APPBP2: variants seen among roughly 807,000 people sequenced by gnomAD.
APPBP2 encodes amyloid protein-binding protein 2.
A neutral mutation model predicts 76.0 loss-of-function variants in APPBP2; 15 were observed. The ratio of observed to expected loss-of-function variants is 0.20; its 90% CI spans 0.13 to 0.30. The LOEUF is 0.30. Among genes scored for constraint, APPBP2 ranks in the 10% least tolerant of loss-of-function variants. APPBP2 has a pLI of 1.00. For missense variants in APPBP2, 401 were observed against 687.2 expected (o/e 0.58, Z 4.66); for synonymous variants, 222 against 242.2 (o/e 0.92, Z 0.77).
intron 4 of APPBP2, among the ~76,000 whole-genome samples, 162 bp from the exon 5 acceptor site, chr17:60,466,621 T>C (rs1409628107): frequency 1.3e-5 from 2 of 152,170 alleles, no homozygotes; most frequent in African/African-American, 4.8e-5. Context: ...CTCATGCCCA[T>C]AAAGAAGTAC....
At chr17:60,521,817 T>C (rs908346003) in intron 1 of APPBP2, among the ~76,000 whole-genome samples, 1 of 152,330 alleles carries the variant, frequency 6.6e-6, no homozygotes, top group East Asian at 1.9e-4. Flanking sequence ...CGTTATTGTA[T>C]TTTATGTGTG....
intron 4 of APPBP2, among the ~76,000 whole-genome samples, chr17:60,474,988 G>T (rs1385721300): frequency 3.3e-5 from 5 of 152,112 alleles, no homozygotes; most frequent in African/African-American, 9.6e-5. Context: ...CCAGCACTTT[G>T]GGGGGCCAGG....
At chr17:60,460,095 T>C (rs1399864337) in intron 9 of APPBP2, 1 of 152,230 alleles carries the variant, frequency 6.6e-6, no homozygotes, top group African/African-American at 2.4e-5. Context: ...TACTCAAAAA[T>C]TATTGAAGGA....
intron 1 of APPBP2, among the ~76,000 whole-genome samples, chr17:60,503,008 A>C (rs1459407201): frequency 7.2e-6 from 1 of 139,530 alleles, no homozygotes; most frequent in African/African-American, 3.1e-5. Context: ...GGCTGTTTAA[A>C]TTTTCTTTTT....
chr17:60,494,467 T>G lies in APPBP2; in HGVS notation c.378A>C (p.Leu126Phe). 1 of 1,606,370 alleles carries G rather than the reference T, an allele frequency of 6.2e-7. No individual in the cohort carries two copies. The highest frequency in any genetic ancestry group is 8.5e-7 in the Non-Finnish European group (1 of 1,178,504). ...KEKAIQVGFV[L>F]GGFLSDAGWY... ...TACTTCTGTTCCACCATTACTTACC[T>G]AAAACAAAGCCAACCTGAATGGCTT... The change falls in exon 3 of 13, where the codon TTA becomes TTC. Residue 126 changes from leucine (L) to phenylalanine (F), a missense_variant and splice_region_variant. Around this residue, in one of 5 missense-constraint regions of APPBP2, gnomAD observed 149 missense variants for 198.4 expected, o/e 0.75. Coordinates refer to ENST00000083182, the MANE Select transcript of APPBP2 (RefSeq NM_006380.5).
At chr17:60,473,811 CACCATAGTT>C (rs2090570157) in intron 4 of APPBP2, among the ~76,000 whole-genome samples, 2 of 152,202 alleles carry the variant, frequency 1.3e-5, no homozygotes, top group African/African-American at 4.8e-5. Flanking sequence ...GCTTCATCAT[CACCATAGTT>C]ATTTGAGTCA....
rs1374390385 is a variant in APPBP2, at chr17:60,518,352, TGCGTGC to T, written c.138+7436_138+7441del. Reference sequence around the variant, plus strand: ...ATGAGCTACCATGCCCAGCCGTGTGTGCGTGCGTGTGTGTGTGTGTGTGTGTGTGTG... The same window carrying T: ...ATGAGCTACCATGCCCAGCCGTGTGTGTGTGTGTGTGTGTGTGTGTGTGTG... On this transcript the variant is annotated intron_variant, in intron 1 of 12. Coordinates refer to ENST00000083182, the MANE Select transcript of APPBP2 (RefSeq NM_006380.5). Among the ~76,000 whole-genome samples, 809 of 110,570 alleles carry T rather than the reference TGCGTGC, an allele frequency of 7.3e-3. 38 individuals are homozygous for T. The highest frequency in any genetic ancestry group is 0.058 in the African/African-American group (725 of 12,524). 72.5% of individuals were successfully genotyped at this position (110,570 alleles called of 152,430 possible).
At chr17:60,482,048 A>G (rs2090634271) in intron 3 of APPBP2, among the ~76,000 whole-genome samples, 8 of 151,944 alleles carry the variant, frequency 5.3e-5, no homozygotes, top group Non-Finnish European at 1.5e-5. Context: ...ACGCCCGGCT[A>G]ATTTTGTATT....
At chr17:60,468,747 C>A (rs2090529513) in intron 4 of APPBP2, among the ~76,000 whole-genome samples, 1 of 152,182 alleles carries the variant, frequency 6.6e-6, no homozygotes, top group South Asian at 2.1e-4. Flanking sequence ...TTTATCCCAA[C>A]CTTCTGCCTA....
chr17:60,477,611 C>T (rs2090600052), intron 4 of APPBP2: 1 of 151,978 alleles, frequency 6.6e-6, no homozygotes, highest in Non-Finnish European at 1.5e-5. Flanking sequence ...AGTTTCTGCA[C>T]ACAAATATTC....
intron 3 of APPBP2, among the ~76,000 whole-genome samples, chr17:60,479,811 C>G (rs200967558): frequency 6.6e-6 from 1 of 152,128 alleles, no homozygotes. Context: ...ACATTTAATA[C>G]ACTGTTACTA....
At position 60,445,788 on chromosome 17, in the gene APPBP2, T is replaced by C. The variant is rs1483059949; in HGVS notation, c.*1793A>G. The C allele has an allele frequency of 6.6e-6, 1 of 152,188 alleles. No homozygotes were observed. Among genetic ancestry groups the C allele is most frequent in the South Asian group, 2.1e-4 (1 of 4,830 alleles). 9.4% of individuals were successfully genotyped at this position (152,188 alleles called of 1,614,324 possible). A position where few individuals can be genotyped will look rare whatever the true frequency, so the allele number is the denominator to read the frequency against. On this transcript the variant is annotated 3_prime_UTR_variant, in exon 13 of 13. Transcript: ENST00000083182. ...AAATTTAAAAAGAAAATAATTCGAT[T>C]TGAGGAGTAAACTCAGGTTTCTAAA...
intron 3 of APPBP2, among the ~76,000 whole-genome samples, chr17:60,484,244 G>A (rs140771627): frequency 6.6e-6 from 1 of 152,080 alleles, no homozygotes; most frequent in African/African-American, 2.4e-5. Flanking sequence ...CTTTAGAGTA[G>A]TTTTTTCCAA....
intron 1 of APPBP2, among the ~76,000 whole-genome samples, chr17:60,507,800 A>T (rs1232177713): frequency 2.0e-5 from 3 of 152,006 alleles, no homozygotes; most frequent in Non-Finnish European, 4.4e-5. Context: ...TTTCATTTTC[A>T]TGTTTTTGAA....
chr17:60,500,466 A>T lies in APPBP2; in HGVS notation c.160T>A (p.Cys54Ser). 6.2e-7 allele frequency: 1 copy of T among 1,610,032 alleles called. No individual in the cohort carries two copies. ...YYKLYQQGRL[C>S]QLGSEFCELE... ...TCACAAAATTCACTGCCCAGTTGACATAAGCGTCCCTGTTGGTAAAGCTGA... is the reference window on the plus strand; with the variant it reads ...TCACAAAATTCACTGCCCAGTTGACTTAAGCGTCCCTGTTGGTAAAGCTGA... The change falls in exon 2 of 13, where the codon TGT (cysteine) becomes AGT (serine). Residue 54 changes from cysteine (C) to serine (S), a missense_variant. Transcript: ENST00000083182.
chr17:60,452,104 C>A (rs1165474659), intron 11 of APPBP2, 59 bp from the exon 12 acceptor site: 2 of 1,532,562 alleles, frequency 1.3e-6, no homozygotes, highest in African/African-American at 2.8e-5. Flanking sequence ...ACAGTTCTTA[C>A]TCAATGAGCA....
At chr17:60,495,848 C>T (rs2090771955) in intron 2 of APPBP2, among the ~76,000 whole-genome samples, 1 of 152,060 alleles carries the variant, frequency 6.6e-6, no homozygotes, top group Non-Finnish European at 1.5e-5. Context: ...TTCACAGCAG[C>T]ATTATTCATA....
chr17:60,475,108 T>C (rs909983521), intron 4 of APPBP2, among the ~76,000 whole-genome samples: 6 of 152,044 alleles, frequency 3.9e-5, no homozygotes, highest in African/African-American at 1.2e-4. Context: ...CGGGCGCCTA[T>C]AGTCCCAGCT....
At chr17:60,512,029 T>C (rs2090917679) in intron 1 of APPBP2, among the ~76,000 whole-genome samples, 1 of 152,132 alleles carries the variant, frequency 6.6e-6, no homozygotes, top group African/African-American at 2.4e-5. Context: ...AACAAAATAT[T>C]GGCTCTTCTA....
Sources: gnomAD v4.1 joint callset for allele counts (sites outside exome capture counted in the v4.1 genomes callset) on GRCh38, gnomAD v4.1.1 for gene constraint, gnomAD v4.1.1 regional missense constraint, MANE v1.5 for transcripts, NCBI Gene and HGNC (gene_info 2026-07-23, HGNC 2026-07-21) for gene names.